The following SLC24A2 variants were observed in gnomAD, a reference collection of about 807,000 sequenced individuals.
SLC24A2 encodes solute carrier family 24 member 2, also known as sodium/potassium/calcium exchanger 2.
In SLC24A2, 36 loss-of-function variants were observed where a neutral mutation model predicts 62.0. That is an observed-to-expected ratio of 0.58 (90% confidence interval 0.44 to 0.77). The LOEUF (loss-of-function observed/expected upper bound fraction) is 0.77, where lower values mean the gene tolerates loss of function less well. SLC24A2 is among the 30% of genes least tolerant of loss of function. The pLI is 0.00. For synonymous variants in SLC24A2, 358 were observed against 294.0 expected (o/e 1.22, Z -2.23); for missense variants, 846 against 817.9 (o/e 1.03, Z -0.42).
intron 5 of SLC24A2, among the ~76,000 whole-genome samples, chr9:19,585,654 T>C (rs556952808): frequency 1.3e-5 from 2 of 152,384 alleles, no homozygotes; most frequent in South Asian, 4.1e-4. Context: ...TCTGTAGCTA[T>C]AGCTGTCTTT....
chr9:19,662,316 T>C (rs967458524), intron 2 of SLC24A2, among the ~76,000 whole-genome samples: 1 of 152,196 alleles, frequency 6.6e-6, no homozygotes, highest in African/African-American at 2.4e-5. Context: ...TGTGTGTTAA[T>C]ACAACACATT....
the SLC24A2 span, among the ~76,000 whole-genome samples, chr9:20,220,228 T>C: frequency 6.6e-6 from 1 of 152,106 alleles, no homozygotes; most frequent in Non-Finnish European, 1.5e-5. Flanking sequence ...CATTGTCACA[T>C]AGAGAAATGG....
At chr9:19,664,264 C>T (rs571393950) in intron 2 of SLC24A2, among the ~76,000 whole-genome samples, 2 of 152,284 alleles carry the variant, frequency 1.3e-5, no homozygotes, top group South Asian at 2.1e-4. Flanking sequence ...TTCACAACGG[C>T]TTTGATGCAG....
intron 2 of SLC24A2, among the ~76,000 whole-genome samples, chr9:19,740,559 A>T (rs1821644248): frequency 6.6e-6 from 1 of 152,222 alleles, no homozygotes; most frequent in Non-Finnish European, 1.5e-5. Context: ...TGAGGAAAGA[A>T]CTAAGAGAGT....
chr9:20,190,744 A>G, the SLC24A2 span, among the ~76,000 whole-genome samples: 1 of 152,222 alleles, frequency 6.6e-6, no homozygotes, highest in African/African-American at 2.4e-5. Context: ...AAATTAAAAA[A>G]ATCCCTAGAT....
rs1240401422 is a variant in SLC24A2 at position 19,510,509 on chromosome 9, T to C, written c.*5644A>G. 6.6e-6 allele frequency: 1 copy of C among 151,956 alleles called. No individual in the cohort carries two copies. Among genetic ancestry groups the C allele is most frequent in the Non-Finnish European group, 1.5e-5 (1 of 67,998 alleles). 9.4% of individuals were successfully genotyped at this position (151,956 alleles called of 1,614,324 possible). On this transcript the variant is annotated 3_prime_UTR_variant, in exon 11 of 11. Transcript: ENST00000341998. Reference sequence around the variant, plus strand: ...TTGGGTTAACTTGGAGGGAGGCTTTTCTTGATGCTGATGGTTGTTAATCAT... The same window carrying C: ...TTGGGTTAACTTGGAGGGAGGCTTTCCTTGATGCTGATGGTTGTTAATCAT...
chr9:19,829,771 G>A, the SLC24A2 span, among the ~76,000 whole-genome samples: 9 of 19,756 alleles, frequency 4.6e-4, no homozygotes, highest in African/African-American at 8.5e-4. Flanking sequence ...ATATATGTGT[G>A]TGTGTGTGTG....
chr9:19,908,506 G>A, the SLC24A2 span, among the ~76,000 whole-genome samples: 1 of 152,094 alleles, frequency 6.6e-6, no homozygotes, highest in African/African-American at 2.4e-5. Flanking sequence ...AAACTAAAGA[G>A]CTTCTGCACA....
chr9:20,231,250 GT>G, the SLC24A2 span, among the ~76,000 whole-genome samples: 2 of 152,128 alleles, frequency 1.3e-5, no homozygotes, highest in African/African-American at 4.8e-5. Flanking sequence ...CTTTAAGGTA[GT>G]TTTTTCCAAT....
chr9:19,763,770 T>C (rs1822421465), intron 2 of SLC24A2, among the ~76,000 whole-genome samples: 1 of 152,172 alleles, frequency 6.6e-6, no homozygotes, highest in Non-Finnish European at 1.5e-5. Context: ...GGCCTGAAAT[T>C]TTCTTTTTTT....
At chr9:19,992,006 T>C in the SLC24A2 span, among the ~76,000 whole-genome samples, 78 of 152,224 alleles carry the variant, frequency 5.1e-4, no homozygotes, top group Non-Finnish European at 4.0e-4. Flanking sequence ...GACTGCTGAA[T>C]GAGTGAATGG....
the SLC24A2 span, among the ~76,000 whole-genome samples, chr9:19,816,806 G>C: frequency 6.6e-6 from 1 of 151,782 alleles, no homozygotes; most frequent in Admixed American, 6.6e-5. Context: ...CCACCAAGAG[G>C]ATGGCACTAA....
chr9:20,074,250 A>G, the SLC24A2 span, among the ~76,000 whole-genome samples: 1 of 152,012 alleles, frequency 6.6e-6, no homozygotes, highest in South Asian at 2.1e-4. Context: ...CACAAATGAT[A>G]GCGTTTTTCC....
At chr9:19,640,615 A>T (rs186335677) in intron 2 of SLC24A2, among the ~76,000 whole-genome samples, 1 of 152,360 alleles carries the variant, frequency 6.6e-6, no homozygotes, top group African/African-American at 2.4e-5. Flanking sequence ...GCAATATTTC[A>T]AAAAATAAAT....
At chr9:20,049,469 A>C in the SLC24A2 span, among the ~76,000 whole-genome samples, 1 of 152,152 alleles carries the variant, frequency 6.6e-6, no homozygotes, top group Non-Finnish European at 1.5e-5. Context: ...ATAGGAAGCC[A>C]CAGTCACTAT....
the SLC24A2 span, among the ~76,000 whole-genome samples, chr9:19,956,683 C>G: frequency 1.3e-5 from 2 of 152,122 alleles, no homozygotes; most frequent in Non-Finnish European, 2.9e-5. Context: ...TTCACTATCA[C>G]GAGAACAGCA....
In SLC24A2 at chr9:19,627,948, C is replaced by T. The variant is rs373829637; in HGVS notation, c.931-5649G>A. ...GTCTTAATATTTTTTTCTTGCATTCCAAATAATTATCTTGTGCACTCCACT... is the reference window on the plus strand; with the variant it reads ...GTCTTAATATTTTTTTCTTGCATTCTAAATAATTATCTTGTGCACTCCACT... On this transcript the variant is annotated intron_variant, in intron 2 of 10. Coordinates refer to ENST00000341998, the MANE Select transcript of SLC24A2 (RefSeq NM_020344.4). Among the ~76,000 whole-genome samples the T allele has an allele frequency of 7.2e-5, 11 of 152,218 alleles. No individual in the cohort carries two copies. In the East Asian group the frequency reaches 2.1e-3, roughly 29 times the overall value.
the SLC24A2 span, among the ~76,000 whole-genome samples, chr9:20,285,248 T>C: frequency 6.6e-6 from 1 of 152,214 alleles, no homozygotes; most frequent in African/African-American, 2.4e-5. Flanking sequence ...CTTATATTAG[T>C]CTGAGTGCTC....
At chr9:19,533,299 C>T (rs1460248802) in intron 8 of SLC24A2, among the ~76,000 whole-genome samples, 2 of 152,126 alleles carry the variant, frequency 1.3e-5, no homozygotes, top group Admixed American at 6.6e-5. Context: ...TAATTTTTCC[C>T]CTCTCTTTCC....
Sources: allele counts gnomAD v4.1 joint callset (sites outside exome capture counted in the v4.1 genomes callset), GRCh38; gene constraint gnomAD v4.1.1; transcripts MANE v1.5; gene names NCBI Gene and HGNC (gene_info 2026-07-23, HGNC 2026-07-21).